The following ANKH variants were observed in gnomAD, a reference collection of about 807,000 sequenced individuals.
ANKH encodes mineralization regulator ANKH.
A neutral mutation model predicts 49.0 loss-of-function variants in ANKH; 15 were observed. The observed-to-expected ratio is 0.31, with a 90% CI of 0.20 to 0.47. The LOEUF is 0.47. Ranked by LOEUF, ANKH falls within the 20% of genes least tolerant of loss-of-function variation. The probability of loss-of-function intolerance (pLI) is 1.00; values close to 1 mark genes in which losing one functional copy is unlikely to be tolerated. For synonymous variants in ANKH, 273 were observed against 260.0 expected (o/e 1.05, Z -0.48); for missense variants, 429 against 652.0 (o/e 0.66, Z 3.72).
intron 1 of ANKH, among the ~76,000 whole-genome samples, chr5:14,854,888 G>A (rs959236085): frequency 6.6e-6 from 1 of 151,914 alleles, no homozygotes; most frequent in African/African-American, 2.4e-5. Context: ...TGTGCCTTTG[G>A]TCTCACCTCC....
At chr5:14,758,861 T>C (rs1011751139) in intron 2 of ANKH, among the ~76,000 whole-genome samples, 1 of 152,226 alleles carries the variant, frequency 6.6e-6, no homozygotes, top group East Asian at 1.9e-4. Context: ...TTCCACATAC[T>C]CTTTTGTAAA....
intron 6 of ANKH, among the ~76,000 whole-genome samples, chr5:14,747,345 C>T (rs926544419): frequency 1.3e-5 from 2 of 152,074 alleles, no homozygotes; most frequent in African/African-American, 4.8e-5. Context: ...TTTGGGAGGC[C>T]AAGGTTGGAG....
At chr5:14,863,811 C>T (rs1331589878) in intron 1 of ANKH, among the ~76,000 whole-genome samples, 3 of 152,182 alleles carry the variant, frequency 2.0e-5, no homozygotes, top group African/African-American at 7.2e-5. Flanking sequence ...TAACCTGCTC[C>T]ATTGTCCCAA....
intron 1 of ANKH, among the ~76,000 whole-genome samples, chr5:14,847,160 T>A (rs1741987569): frequency 6.6e-6 from 1 of 152,118 alleles, no homozygotes; most frequent in African/African-American, 2.4e-5. Flanking sequence ...ACACAGTGGC[T>A]GGTTAATGAG....
At chr5:14,788,371 A>G (rs31932) in intron 1 of ANKH, among the ~76,000 whole-genome samples, 4,511 of 152,326 alleles carry the variant, frequency 0.03, 116 homozygotes, top group Non-Finnish European at 0.043. Context: ...CATATATGCA[A>G]ATATACTTCA....
chr5:14,768,951 G>T, intron 2 of ANKH, 24 bp downstream of exon 2: 1 of 1,609,800 alleles, frequency 6.2e-7, no homozygotes, highest in East Asian at 2.2e-5. Context: ...AGCTAGATTC[G>T]TCAGTGGCGG....
chr5:14,819,969 C>T, intron 1 of ANKH, among the ~76,000 whole-genome samples: 1 of 151,420 alleles, frequency 6.6e-6, no homozygotes, highest in Non-Finnish European at 1.5e-5. Context: ...ACCTTTGCAA[C>T]TCATTATATA....
intron 1 of ANKH, among the ~76,000 whole-genome samples, chr5:14,789,264 AT>A (rs1740081407): frequency 6.6e-6 from 1 of 152,140 alleles, no homozygotes; most frequent in East Asian, 1.9e-4. Flanking sequence ...GTTAGCATAT[AT>A]ACCATAGTAT....
intron 8 of ANKH, chr5:14,741,622 G>A (rs1738356564): frequency 1.8e-6 from 1 of 561,262 alleles, no homozygotes; most frequent in Non-Finnish European, 3.2e-6. Context: ...AGAAATGCCT[G>A]AAGTGGGTCC....
chr5:14,798,666 G>T (rs1740470522), intron 1 of ANKH, among the ~76,000 whole-genome samples: 1 of 152,126 alleles, frequency 6.6e-6, no homozygotes, highest in Non-Finnish European at 1.5e-5. Flanking sequence ...ATGGTGATGT[G>T]TGATAGGTGA....
chr5:14,761,733 C>T lies in ANKH; in HGVS notation c.314-3135G>A, dbSNP rs555348143. On this transcript the variant is annotated intron_variant, in intron 2 of 11. Coordinates refer to ENST00000284268, the MANE Select transcript of ANKH (RefSeq NM_054027.6). ...AATGAGTATTCCCGTCAAGCAACTT[C>T]GTGTCAGACCATTCCTTGTCCCCTT... Among the ~76,000 whole-genome samples the T allele has an allele frequency of 6.1e-5, 9 of 148,044 alleles. 1 individual carries two copies. In the South Asian group the frequency reaches 1.7e-3, roughly 29 times the overall value.
intron 1 of ANKH, among the ~76,000 whole-genome samples, chr5:14,805,037 G>A (rs1424549353): frequency 6.6e-6 from 1 of 152,170 alleles, no homozygotes; most frequent in Non-Finnish European, 1.5e-5. Flanking sequence ...AGGATACAAA[G>A]TACTGATTTT....
At chr5:14,797,120 T>C in intron 1 of ANKH, 1 of 1,348,786 alleles carries the variant, frequency 7.4e-7, no homozygotes, top group South Asian at 1.2e-5. Context: ...AGTAAAGACA[T>C]ATTTAGGACC....
chr5:14,783,939 C>T (rs1739892352), intron 1 of ANKH, among the ~76,000 whole-genome samples: 2 of 152,208 alleles, frequency 1.3e-5, no homozygotes, highest in African/African-American at 4.8e-5. Context: ...GAAGAGTTGT[C>T]TTGCTCCAGC....
At chr5:14,741,382 TG>T (rs1446365839) in intron 8 of ANKH, 2 of 215,862 alleles carry the variant, frequency 9.3e-6, no homozygotes, top group Admixed American at 5.5e-5. Context: ...TCAATGCCTA[TG>T]GGCACGTGAT....
intron 1 of ANKH, among the ~76,000 whole-genome samples, chr5:14,789,605 G>A (rs111953821): frequency 0.012 from 1,770 of 152,166 alleles, 39 homozygotes; most frequent in African/African-American, 0.041. Context: ...AGAATAAAAG[G>A]GAATCTCCTA....
At chr5:14,712,780 G>T in intron 11 of ANKH, 94 bp downstream of exon 11, 3 of 1,275,268 alleles carry the variant, frequency 2.4e-6, no homozygotes, top group Non-Finnish European at 3.3e-6. Context: ...CCCCACTGAC[G>T]AACGCCACCA....
Position 14,725,036 on chromosome 5 carries a change from T to G in ANKH, c.1012-8201A>C, listed in dbSNP as rs907579086. ...GGACATCATTTTTATTTGGCGCTTT[T>G]GCTTGAAAAAAAGGTTCAATATACC... On this transcript the variant is annotated intron_variant, in intron 8 of 11. Transcript: ENST00000284268. This position sits in a 1 kb window ranked among gnomAD's most constrained non-coding sequence, Gnocchi z 4.0. Among the ~76,000 whole-genome samples the G allele has an allele frequency of 1.3e-5, 2 of 152,158 alleles. No homozygotes were observed. The highest frequency in any genetic ancestry group is 4.8e-5 in the African/African-American group (2 of 41,434).
At chr5:14,731,089 C>G (rs568487737) in intron 8 of ANKH, among the ~76,000 whole-genome samples, 1 of 152,320 alleles carries the variant, frequency 6.6e-6, no homozygotes, top group East Asian at 1.9e-4. Context: ...GGCGGCCCAA[C>G]ACGGGCGTGA....
Sources: gnomAD v4.1 joint callset for allele counts (sites outside exome capture counted in the v4.1 genomes callset) on GRCh38, gnomAD v4.1.1 for gene constraint, Gnocchi (gnomAD v3.1) non-coding constraint, MANE v1.5 for transcripts, NCBI Gene and HGNC (gene_info 2026-07-23, HGNC 2026-07-21) for gene names.